Variants in FAM174B observed in about 807,000 individuals in gnomAD.
The protein encoded by FAM174B is family with sequence similarity 174 member B, also known as membrane protein FAM174B.
FAM174B carries 12 observed loss-of-function variants against 10.9 expected under a neutral mutation model. The ratio of observed to expected loss-of-function variants is 1.10; its 90% CI spans 0.71 to 1.79. FAM174B has a LOEUF of 1.79. Among genes scored for constraint, FAM174B ranks in the 40% most tolerant of loss-of-function variants. FAM174B has a pLI of 0.00. For synonymous variants in FAM174B, 132 were observed against 115.8 expected, an observed-to-expected ratio of 1.14 and a Z score of -0.90; for missense variants, 266 against 233.3, an observed-to-expected ratio of 1.14 and a Z score of -0.91.
intron 1 of FAM174B, among the ~76,000 whole-genome samples, chr15:92,637,816 T>G (rs1035470461): frequency 1.3e-5 from 2 of 152,172 alleles, no homozygotes; most frequent in African/African-American, 2.4e-5. Context: ...CTGGGTCCAT[T>G]CGTGGGCAGT....
chr15:92,638,949 C>T (rs1330238742), intron 1 of FAM174B, among the ~76,000 whole-genome samples: 5 of 152,176 alleles, frequency 3.3e-5, no homozygotes, highest in Non-Finnish European at 7.3e-5. Context: ...CACTGTGAGG[C>T]GACAACCCTG....
At chr15:92,643,344 A>ATATGTGTGTG (rs1555421981) in intron 1 of FAM174B, among the ~76,000 whole-genome samples, 1 of 138,090 alleles carries the variant, frequency 7.2e-6, no homozygotes, top group Non-Finnish European at 1.6e-5. Context: ...TAGGGAAGGA[A>ATATGTGTGTG]TGTGTGTGTG....
At chr15:92,637,457 C>G (rs1282583007) in intron 1 of FAM174B, among the ~76,000 whole-genome samples, 3 of 152,234 alleles carry the variant, frequency 2.0e-5, no homozygotes, top group African/African-American at 7.2e-5. Context: ...GTCACACACA[C>G]AACCTAGCAA....
Position 92,618,734 on chromosome 15 carries a change from GCACACA to G in FAM174B, c.*716_*721del, listed in dbSNP as rs1567041121. ...TTATAGGTATCACACACGTGCACAC[GCACACA>G]CGTGCACACACACACACACACACAC... On this transcript the variant is annotated 3_prime_UTR_variant, in exon 3 of 3. Coordinates refer to ENST00000327355, the MANE Select transcript of FAM174B (RefSeq NM_207446.3). 4 of 129,992 alleles carry G rather than the reference GCACACA, an allele frequency of 3.1e-5. No individual in the cohort carries two copies. The highest frequency in any genetic ancestry group is 4.8e-5 in the Non-Finnish European group (3 of 63,108). The allele number at this position is 129,992 out of a possible 1,614,324, so 8.1% of individuals were successfully genotyped here.
At chr15:92,625,286 G>A (rs1277112252) in intron 2 of FAM174B, among the ~76,000 whole-genome samples, 1 of 152,118 alleles carries the variant, frequency 6.6e-6, no homozygotes. Context: ...CAGGCTCTAA[G>A]TCACAAGATG....
chr15:92,631,482 T>TTGTATA (rs1555421195), intron 1 of FAM174B, among the ~76,000 whole-genome samples: 3 of 56,250 alleles, frequency 5.3e-5, no homozygotes, highest in African/African-American at 9.0e-5. Context: ...TTATAATATA[T>TTGTATA]TATATATATA....
chr15:92,621,037 A>G lies in FAM174B; in HGVS notation c.477-1578T>C, dbSNP rs950084004. 3.2e-4 allele frequency among the ~76,000 whole-genome samples: 48 copies of G among 152,328 alleles called. 1 individual carries two copies. Among genetic ancestry groups the G allele is most frequent in the South Asian group, 2.1e-4 (1 of 4,832 alleles). On this transcript the variant is annotated intron_variant, in intron 2 of 2. Coordinates refer to ENST00000327355, the MANE Select transcript of FAM174B (RefSeq NM_207446.3). Reference sequence around the variant, plus strand: ...ATTACATAATACCAAATATATTACCATAACAGGTAGCTATTTACTAGAAGA... The same window carrying G: ...ATTACATAATACCAAATATATTACCGTAACAGGTAGCTATTTACTAGAAGA...
chr15:92,627,778 C>A (rs373866199), intron 2 of FAM174B, among the ~76,000 whole-genome samples: 1 of 152,206 alleles, frequency 6.6e-6, no homozygotes, highest in African/African-American at 2.4e-5. Flanking sequence ...TATTCCCAGC[C>A]GTGCAGGAGG....
intron 1 of FAM174B, among the ~76,000 whole-genome samples, chr15:92,641,409 C>T (rs1286277640): frequency 6.6e-6 from 1 of 152,190 alleles, no homozygotes; most frequent in Non-Finnish European, 1.5e-5. Flanking sequence ...ATGACACCTA[C>T]ATGCCCATTA....
At chr15:92,629,512 T>C (rs887564203) in intron 2 of FAM174B, among the ~76,000 whole-genome samples, 5 of 152,160 alleles carry the variant, frequency 3.3e-5, no homozygotes, top group Admixed American at 2.6e-4. Flanking sequence ...AAGTTTCTGT[T>C]TGGGTGCCTG....
Position 92,642,083 on chromosome 15 carries a change from A to G in FAM174B, c.345-11738T>C, listed in dbSNP as rs553234664. 2.0e-4 allele frequency among the ~76,000 whole-genome samples: 30 copies of G among 152,380 alleles called. No homozygotes were observed. The South Asian group carries it at 3.5e-3, about 18-fold the overall frequency. The stretch of plus-strand genomic sequence containing the variant: ...GCAAACAAGGTCAACATGACTAGCC[A>G]TCAATGCATTGCAAATTAAACACAC... On this transcript the variant is annotated intron_variant, in intron 1 of 2. Transcript: ENST00000327355.
intron 2 of FAM174B, among the ~76,000 whole-genome samples, chr15:92,628,338 C>CTT (rs35251307): frequency 6.6e-4 from 56 of 84,886 alleles, no homozygotes; most frequent in Admixed American, 9.0e-4. Flanking sequence ...CTAATTTTTG[C>CTT]TTTTTTTTTT....
At position 92,645,568 on chromosome 15, in the gene FAM174B, A is replaced by G. The variant is rs530338302; in HGVS notation, c.344+9748T>C. ...ATCCGGCAACAGCAAATGCCCCAAG[A>G]CCTGTTCCTCCAGCTCTCGGGTGTG... On this transcript the variant is annotated intron_variant, in intron 1 of 2. Transcript: ENST00000327355. The G allele has an allele frequency of 2.0e-5, 3 of 152,194 alleles. No homozygotes were observed. The South Asian group carries it at 6.2e-4, about 32-fold the overall frequency. The allele number at this position is 152,194 out of a possible 1,614,324, so 9.4% of individuals were successfully genotyped here. A position where few individuals can be genotyped will look rare whatever the true frequency, so the allele number is the denominator to read the frequency against.
chr15:92,635,960 A>G (rs1248057219), intron 1 of FAM174B, among the ~76,000 whole-genome samples: 1 of 152,182 alleles, frequency 6.6e-6, no homozygotes, highest in Non-Finnish European at 1.5e-5. Flanking sequence ...GAACAGAGCC[A>G]ATCAGCATTT....
chr15:92,642,302 AC>A (rs1250382523), intron 1 of FAM174B, among the ~76,000 whole-genome samples: 2 of 152,194 alleles, frequency 1.3e-5, no homozygotes, highest in African/African-American at 4.8e-5. Flanking sequence ...CAGCAATTCC[AC>A]TCCTAGGTGT....
chr15:92,632,267 G>A (rs146825728), intron 1 of FAM174B, among the ~76,000 whole-genome samples: 71 of 152,276 alleles, frequency 4.7e-4, no homozygotes, highest in African/African-American at 1.7e-3. Context: ...GCTCTCGGCC[G>A]GGTGCGGTGG....
chr15:92,650,995 A>G (rs893201631), intron 1 of FAM174B, among the ~76,000 whole-genome samples: 4 of 151,860 alleles, frequency 2.6e-5, no homozygotes, highest in Non-Finnish European at 5.9e-5. Context: ...AAATACATTT[A>G]AAAAGGTGGA....
At chr15:92,632,578 T>C (rs1284309689) in intron 1 of FAM174B, among the ~76,000 whole-genome samples, 3 of 152,164 alleles carry the variant, frequency 2.0e-5, no homozygotes, top group Non-Finnish European at 4.4e-5. Context: ...GGTGCAATCA[T>C]AGCTCGCTGC....
At chr15:92,631,412 TA>T (rs2050814431) in intron 1 of FAM174B, among the ~76,000 whole-genome samples, 2 of 51,376 alleles carry the variant, frequency 3.9e-5, no homozygotes, top group South Asian at 4.3e-4. Context: ...ATATTATATA[TA>T]ATATATAATA....
Sources: allele counts gnomAD v4.1 joint callset (sites outside exome capture counted in the v4.1 genomes callset), GRCh38; gene constraint gnomAD v4.1.1; transcripts MANE v1.5; gene names NCBI Gene and HGNC (gene_info 2026-07-23, HGNC 2026-07-21).